The following AKAP6 variants were observed in gnomAD, a reference collection of about 807,000 sequenced individuals.
AKAP6 encodes the protein A-kinase anchor protein 6.
Under a neutral mutation model 188.5 loss-of-function variants are expected in AKAP6, and 58 were observed. The ratio of observed to expected loss-of-function variants is 0.31; its 90% confidence interval spans 0.25 to 0.38. AKAP6 has a LOEUF of 0.38. Ranked by LOEUF, AKAP6 falls within the 10% of genes least tolerant of loss-of-function variation. The probability of loss-of-function intolerance (pLI) is 1.00; values close to 1 mark genes in which losing one functional copy is unlikely to be tolerated. For missense variants in AKAP6, 2,710 were observed against 2,740.0 expected (o/e 0.99, Z 0.24); for synonymous variants, 989 against 998.6 (o/e 0.99, Z 0.18).
intron 2 of AKAP6, among the ~76,000 whole-genome samples, chr14:32,501,059 C>A (rs919042495): frequency 2.0e-5 from 3 of 152,110 alleles, no homozygotes; most frequent in Non-Finnish European, 2.9e-5. Context: ...TCCTAAGCAA[C>A]CCTGTCCAAT....
chr14:32,656,033 A>G (rs1888439628), intron 7 of AKAP6, among the ~76,000 whole-genome samples: 1 of 152,182 alleles, frequency 6.6e-6, no homozygotes, highest in African/African-American at 2.4e-5. Flanking sequence ...GAGTTGGTTG[A>G]CATGAAACAT....
At position 32,823,717 on chromosome 14, in the gene AKAP6, C is replaced by T. The variant is rs751015994; in HGVS notation, c.5904C>T (p.His1968=). ...TTCCAAAGAAATGTCCAAATCACCA[C>T]CATTTTGAAAATCAAAGCACTGCCT... ...RHLPKKCPNH[H]HFENQSTAST... The change falls in exon 13 of 14, where the codon CAC becomes CAT. Residue 1968 remains histidine, a synonymous_variant. Coordinates refer to ENST00000280979, the MANE Select transcript of AKAP6 (RefSeq NM_004274.5). 1.2e-5 allele frequency: 20 copies of T among 1,613,614 alleles called. No homozygotes were observed. The highest frequency in any genetic ancestry group is 1.1e-4 in the African/African-American group (8 of 74,884).
At position 32,545,559 on chromosome 14, in the gene AKAP6, C is replaced by T. The variant is rs761942774; in HGVS notation, c.906C>T (p.Asp302=). The T allele has an allele frequency of 3.6e-5, 58 of 1,614,022 alleles. No individual in the cohort carries two copies. Among genetic ancestry groups the T allele is most frequent in the Middle Eastern group, 3.3e-4 (2 of 6,082 alleles). ...TATCTCAAGTATCTCTCTCAGTAGA[C>T]GACAAAGGTGGATGTGAGGAAGACA... is the stretch of plus-strand genomic sequence containing the variant. ...EEVSQVSLSV[D]DKGGCEEDNA... The change falls in exon 4 of 14, where the codon GAC becomes GAT. Residue 302 remains aspartate (D), a synonymous_variant. Transcript: ENST00000280979.
At chr14:32,656,368 A>G (rs1286392310) in intron 7 of AKAP6, among the ~76,000 whole-genome samples, 1 of 152,174 alleles carries the variant, frequency 6.6e-6, no homozygotes, top group Non-Finnish European at 1.5e-5. Flanking sequence ...GGTACAGAGT[A>G]TTTTGCTCAC....
At chr14:32,454,649 TTCCC>T (rs1891060900) in intron 2 of AKAP6, among the ~76,000 whole-genome samples, 3 of 52,162 alleles carry the variant, frequency 5.8e-5, no homozygotes, top group African/African-American at 5.9e-4. Context: ...CCCTCCCTCC[TTCCC>T]TCTCTCCTTC....
At chr14:32,401,570 T>C (rs1889092576) in intron 1 of AKAP6, among the ~76,000 whole-genome samples, 1 of 152,156 alleles carries the variant, frequency 6.6e-6, no homozygotes, top group African/African-American at 2.4e-5. Flanking sequence ...CAAACTTTCA[T>C]CTCATTTCTA....
intron 7 of AKAP6, among the ~76,000 whole-genome samples, chr14:32,617,615 G>A (rs887983227): frequency 6.6e-6 from 1 of 152,084 alleles, no homozygotes; most frequent in Admixed American, 6.5e-5. Context: ...TAAATTACGT[G>A]TGTCCTTTAG....
intron 2 of AKAP6, among the ~76,000 whole-genome samples, chr14:32,510,587 G>A (rs949314848): frequency 6.6e-6 from 1 of 150,384 alleles, no homozygotes; most frequent in African/African-American, 2.4e-5. Flanking sequence ...GTGCTCACAT[G>A]GTTTTTCTAA....
intron 1 of AKAP6, among the ~76,000 whole-genome samples, chr14:32,365,511 C>G (rs553401315): frequency 2.0e-5 from 3 of 152,228 alleles, no homozygotes; most frequent in African/African-American, 4.8e-5. Context: ...GATTACTGAT[C>G]CCAATTCTTT....
In AKAP6 at chr14:32,831,254, A is replaced by C. The variant is rs1194995722; in HGVS notation, c.*1449A>C. The C allele has an allele frequency of 6.6e-6, 1 of 152,194 alleles. No individual in the cohort carries two copies. Among genetic ancestry groups the C allele is most frequent in the Non-Finnish European group, 1.5e-5 (1 of 68,030 alleles). The allele number at this position is 152,194 out of a possible 1,614,324, so 9.4% of individuals were successfully genotyped here. ...CAAAGAAATATTTCATCTGGCCTTT[A>C]CTGACTCCTGTTAAATGCAGTTTTA... On this transcript the variant is annotated 3_prime_UTR_variant, in exon 14 of 14. Coordinates refer to ENST00000280979, the MANE Select transcript of AKAP6 (RefSeq NM_004274.5).
rs751405823 is a variant in AKAP6 at position 32,822,879 on chromosome 14, C to T, written c.5066C>T (p.Thr1689Ile). 6.2e-7 allele frequency: 1 copy of T among 1,613,922 alleles called. No individual in the cohort carries two copies. Among genetic ancestry groups the T allele is most frequent in the South Asian group, 1.1e-5 (1 of 91,084 alleles). Residue 1689 changes from threonine to isoleucine, a missense_variant, in exon 13 of 14, where the codon ACA becomes ATA. Coordinates refer to ENST00000280979, the MANE Select transcript of AKAP6 (RefSeq NM_004274.5). ...AATGAAGACTCAGCGGCATCTCTAA[C>T]AGAACTTAGCAGCAGTGACGAGCTC... ...SINEDSAASL[T>I]ELSSSDELSL...
At chr14:32,585,405 A>G (rs1885188954) in intron 5 of AKAP6, among the ~76,000 whole-genome samples, 1 of 152,184 alleles carries the variant, frequency 6.6e-6, no homozygotes. Context: ...AACCAACCAC[A>G]TAGAAATAGC....
intron 1 of AKAP6, among the ~76,000 whole-genome samples, chr14:32,404,202 A>G (rs1354215526): frequency 1.3e-5 from 2 of 152,150 alleles, no homozygotes; most frequent in African/African-American, 4.8e-5. Flanking sequence ...AAAGGAAAAA[A>G]TGAAATGCAA....
At chr14:32,509,039 G>T (rs554702081) in intron 2 of AKAP6, among the ~76,000 whole-genome samples, 3 of 150,898 alleles carry the variant, frequency 2.0e-5, no homozygotes, top group Non-Finnish European at 4.4e-5. Context: ...GGCCAGGATG[G>T]TCTTGATCTC....
intron 7 of AKAP6, among the ~76,000 whole-genome samples, chr14:32,659,864 G>T (rs1430073239): frequency 2.6e-5 from 4 of 152,048 alleles, no homozygotes; most frequent in Non-Finnish European, 4.4e-5. Context: ...GTCTCAGAGG[G>T]CTAAGATTTG....
At chr14:32,429,396 A>G (rs926167343) in intron 1 of AKAP6, among the ~76,000 whole-genome samples, 2 of 152,244 alleles carry the variant, frequency 1.3e-5, no homozygotes, top group Admixed American at 6.5e-5. Context: ...AAAAATATTC[A>G]CAAAGACTGT....
intron 12 of AKAP6, among the ~76,000 whole-genome samples, chr14:32,795,318 C>A (rs1181472841): frequency 6.6e-6 from 1 of 152,098 alleles, no homozygotes; most frequent in Non-Finnish European, 1.5e-5. Flanking sequence ...CAAAACCTGG[C>A]AGAGATGCAA....
At chr14:32,409,973 C>A (rs1194165051) in intron 1 of AKAP6, among the ~76,000 whole-genome samples, 3 of 152,090 alleles carry the variant, frequency 2.0e-5, no homozygotes, top group Non-Finnish European at 4.4e-5. Context: ...TTTTATTTAA[C>A]CCTGTGTAAC....
intron 7 of AKAP6, among the ~76,000 whole-genome samples, chr14:32,623,076 C>G (rs1387831848): frequency 1.3e-5 from 2 of 152,118 alleles, no homozygotes; most frequent in African/African-American, 2.4e-5. Flanking sequence ...CCTGGGCTTT[C>G]TCTTCAGTGC....
Sources: allele counts gnomAD v4.1 joint callset (sites outside exome capture counted in the v4.1 genomes callset), GRCh38; gene constraint gnomAD v4.1.1; transcripts MANE v1.5; gene names NCBI Gene and HGNC (gene_info 2026-07-23, HGNC 2026-07-21).